The following COL5A2 variants were observed in gnomAD, a reference collection of about 807,000 sequenced individuals.
COL5A2 encodes collagen type V alpha 2 chain.
Under a neutral mutation model 208.2 loss-of-function variants are expected in COL5A2, and 23 were observed. The ratio of observed to expected loss-of-function variants is 0.11; its 90% CI spans 0.08 to 0.16. The LOEUF (loss-of-function observed/expected upper bound fraction) is 0.16, where lower values mean the gene tolerates loss of function less well. COL5A2 is among the 10% of genes least tolerant of loss of function. COL5A2 has a pLI of 1.00. For synonymous variants in COL5A2, 625 were observed against 628.5 expected, an observed-to-expected ratio of 0.99 and a Z score of 0.08; for missense variants, 1,590 against 1,956.4, an observed-to-expected ratio of 0.81 and a Z score of 3.53.
the COL5A2 span, among the ~76,000 whole-genome samples, chr2:189,422,805 A>G: frequency 6.6e-6 from 1 of 152,146 alleles, no homozygotes; most frequent in Non-Finnish European, 1.5e-5. Flanking sequence ...CGAGCAAATC[A>G]CGAGGTCAGG....
chr2:189,034,727 G>A (rs1187401171), intron 53 of COL5A2, among the ~76,000 whole-genome samples, 189 bp downstream of exon 53: 1 of 151,998 alleles, frequency 6.6e-6, no homozygotes, highest in Non-Finnish European at 1.5e-5. Context: ...TTTACTATAT[G>A]GATTCAAACC....
chr2:189,034,317 T>G, intron 53 of COL5A2, 101 bp from the exon 54 acceptor site: 1 of 1,208,930 alleles, frequency 8.3e-7, no homozygotes, highest in South Asian at 1.3e-5. Flanking sequence ...AAGGCAATGA[T>G]TTTTAGAGTA....
intron 29 of COL5A2, 54 bp downstream of exon 29, chr2:189,062,811 A>G (rs1686062110): frequency 1.9e-6 from 3 of 1,603,136 alleles, no homozygotes; most frequent in African/African-American, 1.3e-5. Context: ...CATCGAAAAA[A>G]TGCAATGTGT....
At chr2:189,084,891 A>G (rs1304920741) in intron 11 of COL5A2, among the ~76,000 whole-genome samples, 1 of 152,196 alleles carries the variant, frequency 6.6e-6, no homozygotes, top group African/African-American at 2.4e-5. Flanking sequence ...TACTGTGACA[A>G]CAAGCCTAGC....
chr2:189,288,304 TTCTA>T, the COL5A2 span, among the ~76,000 whole-genome samples: 1 of 152,210 alleles, frequency 6.6e-6, no homozygotes, highest in African/African-American at 2.4e-5. Flanking sequence ...TAGGGGTTTT[TTCTA>T]TCTACTTGTG....
chr2:189,283,598 C>G, the COL5A2 span, among the ~76,000 whole-genome samples: 2 of 151,298 alleles, frequency 1.3e-5, no homozygotes, highest in African/African-American at 4.9e-5. Flanking sequence ...TGTGGTATCT[C>G]AGATGAGATC....
chr2:189,259,305 TTA>T, the COL5A2 span, among the ~76,000 whole-genome samples: 1 of 152,196 alleles, frequency 6.6e-6, no homozygotes. Context: ...GATTTTCCAT[TTA>T]TAGAGTCTTA....
chr2:189,071,850 T>A (rs1208480686), intron 18 of COL5A2, among the ~76,000 whole-genome samples, 190 bp downstream of exon 18: 1 of 152,188 alleles, frequency 6.6e-6, no homozygotes, highest in Non-Finnish European at 1.5e-5. Context: ...CCTTTAATTA[T>A]ATTTATACAG....
chr2:189,190,109 A>C (rs899717391), intron 1 of COL5A2, among the ~76,000 whole-genome samples: 3 of 152,158 alleles, frequency 2.0e-5, no homozygotes, highest in African/African-American at 7.2e-5. Flanking sequence ...ACTTCCTACA[A>C]AAAAGGGGGG....
chr2:189,385,474 A>G, the COL5A2 span, among the ~76,000 whole-genome samples: 1 of 152,272 alleles, frequency 6.6e-6, no homozygotes, highest in South Asian at 2.1e-4. Flanking sequence ...AACCAGAGGC[A>G]GCACAAATAA....
chr2:189,356,220 C>T, the COL5A2 span, among the ~76,000 whole-genome samples: 1 of 152,118 alleles, frequency 6.6e-6, no homozygotes, highest in Non-Finnish European at 1.5e-5. Flanking sequence ...TCCTTCATTT[C>T]CACCTTGGTG....
intron 1 of COL5A2, among the ~76,000 whole-genome samples, chr2:189,218,878 GA>G (rs796677004): frequency 2.5e-4 from 37 of 148,090 alleles, no homozygotes; most frequent in South Asian, 4.3e-4. Context: ...GTGGAAAGCA[GA>G]AAAAAAAAAT....
chr2:189,065,877 G>T (rs1270911887), intron 23 of COL5A2, among the ~76,000 whole-genome samples: 1 of 152,046 alleles, frequency 6.6e-6, no homozygotes, highest in African/African-American at 2.4e-5. Context: ...GTTTTCTACT[G>T]GCTTATCATC....
At chr2:189,367,520 G>A in the COL5A2 span, among the ~76,000 whole-genome samples, 1 of 152,134 alleles carries the variant, frequency 6.6e-6, no homozygotes, top group Non-Finnish European at 1.5e-5. Flanking sequence ...TGCTGTCAAA[G>A]CACAACACTG....
At chr2:189,425,296 C>A in the COL5A2 span, among the ~76,000 whole-genome samples, 1 of 152,056 alleles carries the variant, frequency 6.6e-6, no homozygotes, top group Non-Finnish European at 1.5e-5. Flanking sequence ...TATGGAGTTT[C>A]CTCAAAAAAT....
the COL5A2 span, among the ~76,000 whole-genome samples, chr2:189,437,821 A>C: frequency 6.6e-6 from 1 of 152,176 alleles, no homozygotes; most frequent in Admixed American, 6.5e-5. Context: ...AAATCGATGT[A>C]ATCTGCTTGA....
the COL5A2 span, among the ~76,000 whole-genome samples, chr2:189,415,722 C>T: frequency 8.5e-5 from 13 of 152,110 alleles, no homozygotes; most frequent in South Asian, 2.1e-4. Context: ...TGCAGTGGCA[C>T]GACCTCGCCT....
chr2:189,225,320 C>T (rs185288860), upstream of COL5A2, among the ~76,000 whole-genome samples: 10 of 152,234 alleles, frequency 6.6e-5, no homozygotes, highest in Admixed American at 2.6e-4. Context: ...TTTGATACAA[C>T]AGGAGTTAGT....
At chr2:189,211,822 T>G (rs1200075411) in intron 1 of COL5A2, among the ~76,000 whole-genome samples, 1 of 152,094 alleles carries the variant, frequency 6.6e-6, no homozygotes, top group Non-Finnish European at 1.5e-5. Flanking sequence ...AGCAAGAAAG[T>G]AAAACCAAAA....
Sources: allele counts gnomAD v4.1 joint callset (sites outside exome capture counted in the v4.1 genomes callset), GRCh38; gene constraint gnomAD v4.1.1; transcripts MANE v1.5; gene names NCBI Gene and HGNC (gene_info 2026-07-23, HGNC 2026-07-21).